GALK2: variants seen among roughly 807,000 people sequenced by gnomAD.
The protein encoded by GALK2 is galactokinase 2, also known as N-acetylgalactosamine kinase.
In GALK2, 36 loss-of-function variants were observed where a neutral mutation model predicts 52.4. The observed-to-expected ratio is 0.69, with a 90% confidence interval of 0.53 to 0.91. The LOEUF (loss-of-function observed/expected upper bound fraction) is 0.91. GALK2 is among the 40% of genes least tolerant of loss of function. GALK2 has a pLI of 0.00. For missense variants in GALK2, 579 were observed against 559.1 expected (o/e 1.04, Z -0.36); for synonymous variants, 176 against 199.1 (o/e 0.88, Z 0.98).
rs190631301 is a variant in GALK2, at chr15:49,275,229, T to A, written c.505-6758T>A. Among the ~76,000 whole-genome samples, 270 of 152,340 alleles carry A rather than the reference T, an allele frequency of 1.8e-3. 1 individual carries two copies. Among genetic ancestry groups the A allele is most frequent in the Non-Finnish European group, 1.9e-4 (13 of 68,026 alleles). On this transcript the variant is annotated intron_variant, in intron 5 of 9. Coordinates refer to ENST00000560031, the MANE Select transcript of GALK2 (RefSeq NM_002044.4). ...ATTGTTCAGTTCCGTTTTACTCTTA[T>A]GAGACCACTCCAAAATGCTTTTGTG...
intron 1 of GALK2, among the ~76,000 whole-genome samples, chr15:49,175,642 G>A (rs947260373): frequency 2.0e-5 from 3 of 152,124 alleles, no homozygotes; most frequent in African/African-American, 7.2e-5. Context: ...TGAGCCATCT[G>A]AGGTATGTTA....
chr15:49,357,698 A>C (rs1257534887), intron 3 of GALK2, among the ~76,000 whole-genome samples: 34 of 151,974 alleles, frequency 2.2e-4, no homozygotes. Flanking sequence ...AAACTATTCC[A>C]ATCAATAGAA....
upstream of GALK2, among the ~76,000 whole-genome samples, chr15:49,168,779 ATT>A (rs35682131): frequency 6.6e-6 from 1 of 151,120 alleles, no homozygotes; most frequent in Non-Finnish European, 1.5e-5. Flanking sequence ...AACATTTTAC[ATT>A]TTTTTTTAAA....
In GALK2 at chr15:49,214,372, C is replaced by T. The variant is rs2089200446; in HGVS notation, c.143-2818C>T. Among the ~76,000 whole-genome samples, 3 of 144,248 alleles carry T rather than the reference C, an allele frequency of 2.1e-5. No individual in the cohort carries two copies. The South Asian group carries it at 6.8e-4, about 33-fold the overall frequency. The allele number at this position is 144,248 out of a possible 152,430, so 94.6% of individuals were successfully genotyped here. On this transcript the variant is annotated intron_variant, in intron 2 of 9. Coordinates refer to ENST00000560031, the MANE Select transcript of GALK2 (RefSeq NM_002044.4). ...TTTGAGATGGAGTCTCACTCTGTCA[C>T]CCAGGCTGGATACAGTGGCGTGATC...
intron 3 of GALK2, among the ~76,000 whole-genome samples, chr15:49,344,617 T>G (rs1414469585): frequency 6.6e-6 from 1 of 152,202 alleles, no homozygotes; most frequent in Non-Finnish European, 1.5e-5. Flanking sequence ...TGGTCTTGCT[T>G]AGCTTGGACT....
chr15:49,267,721 T>G (rs1016508226), intron 5 of GALK2, among the ~76,000 whole-genome samples: 4 of 152,168 alleles, frequency 2.6e-5, no homozygotes, highest in Non-Finnish European at 5.9e-5. Flanking sequence ...GATGTTTTGA[T>G]AGTTATTGGC....
chr15:49,325,276 C>A (rs2037281517), intron 9 of GALK2, among the ~76,000 whole-genome samples: 1 of 152,310 alleles, frequency 6.6e-6, no homozygotes, highest in South Asian at 2.1e-4. Flanking sequence ...TTTAACAAAC[C>A]CTTCTACATT....
In GALK2 at chr15:49,194,599, CT is replaced by C. The variant is rs1169116832; in HGVS notation, c.54-6550del. On this transcript the variant is annotated intron_variant, in intron 1 of 9. Coordinates refer to ENST00000560031, the MANE Select transcript of GALK2 (RefSeq NM_002044.4). The stretch of plus-strand genomic sequence containing the variant: ...ATTGTTACATATTTGTTTTTCTTTT[CT>C]TTTTTTTTTTTTGAGATGGAGTTTC... 1.8e-3 allele frequency among the ~76,000 whole-genome samples: 253 copies of C among 138,818 alleles called. 1 individual carries two copies. Among genetic ancestry groups the C allele is most frequent in the East Asian group, 4.9e-3 (24 of 4,858 alleles). The allele number at this position is 138,818 out of a possible 152,430, so 91.1% of individuals were successfully genotyped here. A position where few individuals can be genotyped will look rare whatever the true frequency, so the allele number is the denominator to read the frequency against.
intron 5 of GALK2, among the ~76,000 whole-genome samples, chr15:49,246,047 C>G (rs1393485051): frequency 6.6e-6 from 1 of 152,098 alleles, no homozygotes; most frequent in East Asian, 1.9e-4. Flanking sequence ...ATATAAACAC[C>G]TTTCAGAAAG....
chr15:49,226,733 G>C (rs1385846127), intron 3 of GALK2: 1 of 152,038 alleles, frequency 6.6e-6, no homozygotes, highest in Non-Finnish European at 1.5e-5. Context: ...GATCTTCTCT[G>C]TTGGCAGTGT....
downstream of GALK2, among the ~76,000 whole-genome samples, chr15:49,336,085 G>T (rs1412677341): frequency 6.6e-6 from 1 of 152,184 alleles, no homozygotes; most frequent in Non-Finnish European, 1.5e-5. Flanking sequence ...TGGGATTACA[G>T]GTGTGAGCCA....
chr15:49,257,275 C>T (rs1053871007), intron 5 of GALK2, among the ~76,000 whole-genome samples: 1 of 152,138 alleles, frequency 6.6e-6, no homozygotes, highest in Middle Eastern at 3.2e-3. Context: ...GTCATAGTAA[C>T]AGTTCTAGTA....
chr15:49,240,194 A>G (rs1414497924), intron 5 of GALK2, among the ~76,000 whole-genome samples: 1 of 152,214 alleles, frequency 6.6e-6, no homozygotes, highest in Non-Finnish European at 1.5e-5. Flanking sequence ...TACATTAATT[A>G]GCCCTTAGTG....
At chr15:49,214,852 A>G (rs187991844) in intron 2 of GALK2, among the ~76,000 whole-genome samples, 1 of 152,144 alleles carries the variant, frequency 6.6e-6, no homozygotes, top group Admixed American at 6.5e-5. Context: ...ATATTTTTTT[A>G]CATTAATGTG....
chr15:49,243,151 C>T (rs1022628610), intron 5 of GALK2, among the ~76,000 whole-genome samples: 2 of 152,052 alleles, frequency 1.3e-5, no homozygotes, highest in Non-Finnish European at 2.9e-5. Context: ...ATCTGAAAGC[C>T]TTTGTGAGGA....
intron 5 of GALK2, among the ~76,000 whole-genome samples, chr15:49,261,780 G>T (rs1238353104): frequency 6.6e-6 from 1 of 152,044 alleles, no homozygotes; most frequent in Non-Finnish European, 1.5e-5. Context: ...AGCATGAAGG[G>T]TTGTTGAATT....
rs35381509 is a variant in GALK2, at chr15:49,326,255, A to ATTTT, written c.1170-1677_1170-1674dup. On this transcript the variant is annotated intron_variant, in intron 9 of 9. Transcript: ENST00000560031. ...TTTGATACGACTGCATATGACAACC[A>ATTTT]TTTTTTTTTTTTTTTTTTTTTTTGA... Among the ~76,000 whole-genome samples the ATTTT allele has an allele frequency of 7.7e-4, 78 of 100,688 alleles. 1 individual carries two copies. The highest frequency in any genetic ancestry group is 1.1e-3 in the Non-Finnish European group (57 of 51,024). 66.1% of individuals were successfully genotyped at this position (100,688 alleles called of 152,430 possible). A position where few individuals can be genotyped will look rare whatever the true frequency, so the allele number is the denominator to read the frequency against.
chr15:49,308,728 C>T (rs1259919075), intron 8 of GALK2, among the ~76,000 whole-genome samples: 2 of 152,174 alleles, frequency 1.3e-5, no homozygotes, highest in East Asian at 3.9e-4. Flanking sequence ...TGGGAACCAC[C>T]CTTCAAGAAG....
chr15:49,281,971 GT>G lies in GALK2; in HGVS notation c.505-11del, dbSNP rs773947948. 4 of 1,598,780 alleles carry G rather than the reference GT, an allele frequency of 2.5e-6. No homozygotes were observed. The highest frequency in any genetic ancestry group is 8.6e-7 in the Non-Finnish European group (1 of 1,167,140). ...TTATGACTACTCACAGTACAAATCA[GT>G]TTTTACCTTTCCAGGTGGAACTTGC... On this transcript the variant is annotated splice_polypyrimidine_tract_variant and intron_variant, in intron 5 of 9. Transcript: ENST00000560031.
Sources: gnomAD v4.1 joint callset for allele counts (sites outside exome capture counted in the v4.1 genomes callset) on GRCh38, gnomAD v4.1.1 for gene constraint, MANE v1.5 for transcripts, NCBI Gene and HGNC (gene_info 2026-07-23, HGNC 2026-07-21) for gene names.